MBOAT7: variants seen among roughly 807,000 people sequenced by gnomAD.
The protein encoded by MBOAT7 is membrane bound acylglycerophosphatidylinositol O-acyltransferase MBOAT7, also known as membrane-bound acylglycerophosphatidylinositol O-acyltransferase MBOAT7.
A neutral mutation model predicts 47.4 loss-of-function variants in MBOAT7; 40 were observed. That is an observed-to-expected ratio of 0.84 (90% CI 0.66 to 1.10). The LOEUF (loss-of-function observed/expected upper bound fraction) is 1.10. Among genes scored for constraint, MBOAT7 ranks in the 50% least tolerant of loss-of-function variants. The pLI is 0.00. For synonymous variants in MBOAT7, 361 were observed against 292.0 expected (o/e 1.24, Z -2.41); for missense variants, 680 against 655.6 (o/e 1.04, Z -0.41).
rs953022450 is a variant in MBOAT7 at position 54,175,201 on chromosome 19, A to T, written c.1032-770T>A. On this transcript the variant is annotated intron_variant, in intron 7 of 7. Transcript: ENST00000245615. ...CACCGTGTTAGCCAGGATGGTCTCG[A>T]TCTCCTGACCTCGTGATCTGCCCGC... Among the ~76,000 whole-genome samples the T allele has an allele frequency of 7.9e-5, 12 of 152,100 alleles. No homozygotes were observed. In the East Asian group the frequency reaches 1.2e-3, roughly 15 times the overall value.
intron 4 of MBOAT7, among the ~76,000 whole-genome samples, chr19:54,184,605 T>TA (rs1005694099): frequency 2.6e-5 from 4 of 151,756 alleles, no homozygotes; most frequent in African/African-American, 9.7e-5. Context: ...ACACACCCTT[T>TA]AAAAAAAATA....
intron 3 of MBOAT7, 52 bp from the exon 4 acceptor site, chr19:54,187,339 G>T: frequency 6.5e-7 from 1 of 1,535,474 alleles, no homozygotes; most frequent in East Asian, 2.4e-5. Context: ...CTCGGCCTTG[G>T]CCACTCACTC....
At chr19:54,174,707 C>T (rs1022996617) in intron 7 of MBOAT7, among the ~76,000 whole-genome samples, 1 of 149,422 alleles carries the variant, frequency 6.7e-6, no homozygotes, top group Non-Finnish European at 1.5e-5. Flanking sequence ...TCCCTCCTCC[C>T]TCAGATCCAG....
In MBOAT7 at chr19:54,180,747, G is replaced by A. The variant is rs776181683; in HGVS notation, c.854+26C>T. The A allele has an allele frequency of 2.0e-6, 3 of 1,484,568 alleles. No homozygotes were observed. Among genetic ancestry groups the A allele is most frequent in the African/African-American group, 1.4e-5 (1 of 71,380 alleles). The allele number at this position is 1,484,568 out of a possible 1,614,324, so 92.0% of individuals were successfully genotyped here. A position where few individuals can be genotyped will look rare whatever the true frequency, so the allele number is the denominator to read the frequency against. ...TTGGAGGTGGGGGCTGCTGGGTCTT[G>A]GGAAGCCTCCCTCGCGCCGCCTGAC... is the stretch of plus-strand genomic sequence containing the variant. On this transcript the variant is annotated intron_variant, in intron 6 of 7. Transcript: ENST00000245615. This position sits in a 1 kb window ranked among gnomAD's most constrained non-coding sequence, Gnocchi z 5.2.
chr19:54,177,353 T>C (rs1178938857), intron 7 of MBOAT7, among the ~76,000 whole-genome samples: 2 of 151,636 alleles, frequency 1.3e-5, no homozygotes, highest in Non-Finnish European at 2.9e-5. Context: ...TGGAGTGCAG[T>C]GGCGCGATCT....
intron 7 of MBOAT7, 200 bp downstream of exon 7, chr19:54,178,565 T>C: frequency 7.0e-7 from 1 of 1,425,814 alleles, no homozygotes; most frequent in African/African-American, 1.4e-5. Flanking sequence ...AAGTAGCAAC[T>C]GAGGCCCCGA....
At position 54,180,886 on chromosome 19, in the gene MBOAT7, C is replaced by G; in HGVS notation, c.741G>C (p.Val247=). Reference sequence around the variant, plus strand: ...AGCCGCACTCGGCGGCAATCCAGGCCACGTAGAAGCGCATGCGGAAGGCGA... The same window carrying G: ...AGCCGCACTCGGCGGCAATCCAGGCGACGTAGAAGCGCATGCGGAAGGCGA... The part of the protein sequence containing the change: ...VFFAFRMRFY[V]AWIAAECGCI... The change falls in exon 6 of 8, where the codon GTG becomes GTC. Residue 247 remains valine, a synonymous_variant. Transcript: ENST00000245615. The surrounding 1 kb of genome is among the most constrained non-coding windows in gnomAD (Gnocchi z 5.2). 1 of 1,595,558 alleles carries G rather than the reference C, an allele frequency of 6.3e-7. No homozygotes were observed. The highest frequency in any genetic ancestry group is 8.5e-7 in the Non-Finnish European group (1 of 1,173,104).
intron 7 of MBOAT7, chr19:54,178,370 C>T (rs1020321723): frequency 3.5e-5 from 40 of 1,130,344 alleles, no homozygotes; most frequent in Non-Finnish European, 4.1e-5. Context: ...ACATTTAGTC[C>T]TTCTATCTAC....
intron 4 of MBOAT7, among the ~76,000 whole-genome samples, chr19:54,184,421 C>T (rs1310077207): frequency 2.0e-5 from 3 of 152,140 alleles, no homozygotes; most frequent in East Asian, 3.9e-4. Flanking sequence ...CCACCAGTCC[C>T]AAGGTCCACC....
Position 54,174,375 on chromosome 19 carries a change from T to G in MBOAT7, c.1088A>C (p.Tyr363Ser). 1 of 1,609,360 alleles carries G rather than the reference T, an allele frequency of 6.2e-7. No individual in the cohort carries two copies. The highest frequency in any genetic ancestry group is 8.5e-7 in the Non-Finnish European group (1 of 1,177,688). The stretch of plus-strand genomic sequence containing the variant: ...CAGCGGGATGGTCAGGAAGCTCAGG[T>G]AGTAGCCCGGGTGGAGGCCGTGCCA... ...AYWHGLHPGY[Y>S]LSFLTIPLCL... is the part of the protein sequence containing the mutation. The change falls in exon 8 of 8, where the codon TAC becomes TCC. Residue 363 changes from tyrosine to serine, a missense_variant. Physicochemically the swap from Tyr to Ser is moderately radical, Grantham distance 144. Coordinates refer to ENST00000245615, the MANE Select transcript of MBOAT7 (RefSeq NM_024298.5).
chr19:54,175,500 G>A (rs1157137220), intron 7 of MBOAT7, among the ~76,000 whole-genome samples: 1 of 152,240 alleles, frequency 6.6e-6, no homozygotes, highest in African/African-American at 2.4e-5. Context: ...CCTGGCCTGT[G>A]GTCCTTCCTT....
intron 1 of MBOAT7, 93 bp from the exon 2 acceptor site, chr19:54,188,604 A>G (rs1600685407): frequency 2.4e-6 from 3 of 1,248,910 alleles, no homozygotes; most frequent in East Asian, 5.1e-5. Flanking sequence ...AGCCTTCTAG[A>G]CCCCAGTTTT....
chr19:54,181,064 A>G lies in MBOAT7; in HGVS notation c.563T>C (p.Leu188Pro). 1 of 1,533,562 alleles carries G rather than the reference A, an allele frequency of 6.5e-7. No individual in the cohort carries two copies. The highest frequency in any genetic ancestry group is 8.8e-7 in the Non-Finnish European group (1 of 1,139,556). 95.0% of individuals were successfully genotyped at this position (1,533,562 alleles called of 1,614,324 possible). ...CCAGGCGCGGCGCAGCAGGGGCCGC[A>G]GGCTGGGCACTGCCCCGGGGAAGGG... ...EQPFPGAVPSLRPLLRRAWPA... is the reference protein window; with the variant it reads ...EQPFPGAVPSPRPLLRRAWPA... Residue 188 changes from leucine (L) to proline (P), a missense_variant, in exon 6 of 8, where the codon CTG becomes CCG. By Grantham distance (98) the Leu-to-Pro change is moderately conservative. Coordinates refer to ENST00000245615, the MANE Select transcript of MBOAT7 (RefSeq NM_024298.5).
chr19:54,181,006 G>C lies in MBOAT7; in HGVS notation c.621C>G (p.Leu207=), dbSNP rs777804291. ...PAPLFGLLFL[L]SSHLFPLEAV... is the part of the protein sequence containing the mutation. Reference sequence around the variant, plus strand: ...CCTCCAGCGGGAAGAGGTGAGAGGAGAGCAGGAACAGCAGGCCGAAGAGCG... The same window carrying C: ...CCTCCAGCGGGAAGAGGTGAGAGGACAGCAGGAACAGCAGGCCGAAGAGCG... The change falls in exon 6 of 8, where the codon CTC becomes CTG. Residue 207 remains leucine, a synonymous_variant. Transcript: ENST00000245615. 10 of 1,559,764 alleles carry C rather than the reference G, an allele frequency of 6.4e-6. No homozygotes were observed. The African/African-American group carries it at 6.8e-5, about 11-fold the overall frequency.
chr19:54,182,209 T>C (rs1411218296), intron 5 of MBOAT7, among the ~76,000 whole-genome samples: 1 of 151,810 alleles, frequency 6.6e-6, no homozygotes, highest in African/African-American at 2.4e-5. Context: ...ACAAAGGCCG[T>C]ATGTTTAGGT....
intron 1 of MBOAT7, among the ~76,000 whole-genome samples, 154 bp from the exon 2 acceptor site, chr19:54,188,665 ACCCAGACT>A (rs1041115603): frequency 3.3e-5 from 5 of 151,736 alleles, no homozygotes; most frequent in Non-Finnish European, 7.4e-5. Context: ...GAACCTAGCA[ACCCAGACT>A]CCAGCCCCTT....
chr19:54,174,740 C>G (rs1190653967), intron 7 of MBOAT7, among the ~76,000 whole-genome samples: 3 of 151,826 alleles, frequency 2.0e-5, no homozygotes, highest in Non-Finnish European at 4.4e-5. Context: ...CACCTCCCTC[C>G]TCCCTCAGAT....
intron 7 of MBOAT7, among the ~76,000 whole-genome samples, chr19:54,175,214 G>A (rs181408388): frequency 1.8e-3 from 272 of 152,236 alleles, no homozygotes; most frequent in African/African-American, 5.9e-3. Context: ...TCCTGACCTC[G>A]TGATCTGCCC....
Position 54,188,536 on chromosome 19 carries a change from G to A in MBOAT7, c.-3-25C>T. The A allele has an allele frequency of 1.9e-6, 3 of 1,548,628 alleles. No homozygotes were observed. In the South Asian group the frequency reaches 3.6e-5, roughly 18 times the overall value. On this transcript the variant is annotated intron_variant, in intron 1 of 7. Coordinates refer to ENST00000245615, the MANE Select transcript of MBOAT7 (RefSeq NM_024298.5). ...TCTGGGGGAGGGGCAGAGATTCACA[G>A]TGAGAACCCAGGAATCCAGGCCCCC...
Sources: allele counts gnomAD v4.1 joint callset (sites outside exome capture counted in the v4.1 genomes callset), GRCh38; gene constraint gnomAD v4.1.1; non-coding constraint Gnocchi (gnomAD v3.1); transcripts MANE v1.5; gene names NCBI Gene and HGNC (gene_info 2026-07-23, HGNC 2026-07-21).